GAS6: variants seen among roughly 807,000 people sequenced by gnomAD.
GAS6 encodes growth arrest-specific protein 6.
GAS6 carries 41 observed loss-of-function variants against 75.8 expected under a neutral mutation model. The ratio of observed to expected loss-of-function variants is 0.54; its 90% confidence interval spans 0.42 to 0.70. GAS6 has a LOEUF of 0.70. GAS6 is among the 30% of genes least tolerant of loss of function. The pLI is 0.00. For missense variants in GAS6, 854 were observed against 940.2 expected (o/e 0.91, Z 1.20); for synonymous variants, 432 against 412.6 (o/e 1.05, Z -0.57).
intron 6 of GAS6, chr13:113,835,962 C>A: frequency 9.0e-7 from 1 of 1,105,392 alleles, no homozygotes; most frequent in Non-Finnish European, 1.1e-6. Flanking sequence ...CTACAGGACA[C>A]GGGGCCGTAA....
At chr13:113,836,006 C>A in intron 6 of GAS6, 1 of 1,036,174 alleles carries the variant, frequency 9.7e-7, no homozygotes, top group Non-Finnish European at 1.2e-6. Flanking sequence ...GAAACTAAAA[C>A]CCCAACCCCA....
At chr13:113,854,454 C>T (rs576065876) in intron 2 of GAS6, among the ~76,000 whole-genome samples, 1 of 152,356 alleles carries the variant, frequency 6.6e-6, no homozygotes, top group East Asian at 1.9e-4. Flanking sequence ...GCATGGAAGT[C>T]ATGCTGAGAC....
At chr13:113,823,695 A>C in intron 12 of GAS6, 145 bp from the exon 13 acceptor site, 1 of 814,552 alleles carries the variant, frequency 1.2e-6, no homozygotes, top group Non-Finnish European at 1.9e-6. Context: ...TGGAAAACTC[A>C]ACAGACTGGT....
chr13:113,824,043 GGGTCT>G (rs2051497622), intron 12 of GAS6, among the ~76,000 whole-genome samples: 1 of 151,632 alleles, frequency 6.6e-6, no homozygotes, highest in African/African-American at 2.4e-5. Flanking sequence ...CGGTGGTCTG[GGGTCT>G]GAGCTGTCAG....
chr13:113,827,298 G>A, intron 11 of GAS6, 134 bp from the exon 12 acceptor site: 1 of 799,096 alleles, frequency 1.3e-6, no homozygotes, highest in Non-Finnish European at 2.0e-6. Context: ...TCCCATCGGT[G>A]GTGGCCATTT....
Position 113,851,064 on chromosome 13 carries a change from T to C in GAS6, c.256-3014A>G, listed in dbSNP as rs372328487. Among the ~76,000 whole-genome samples the C allele has an allele frequency of 5.8e-3, 873 of 150,382 alleles. 9 individuals are homozygous for C. The highest frequency in any genetic ancestry group is 0.02 in the African/African-American group (829 of 40,696). ...GGATGAGTGGATAGAGATGGATGAA[T>C]GAACAAATGAATGAGTGGATGGATG... On this transcript the variant is annotated intron_variant, in intron 2 of 14. Coordinates refer to ENST00000327773, the MANE Select transcript of GAS6 (RefSeq NM_000820.4).
chr13:113,863,703 G>T lies in GAS6; in HGVS notation c.127C>A (p.Arg43=), dbSNP rs766471006. 2.0e-6 allele frequency: 3 copies of T among 1,512,160 alleles called. No individual in the cohort carries two copies. Among genetic ancestry groups the T allele is most frequent in the Non-Finnish European group, 2.6e-6 (3 of 1,132,578 alleles). 93.7% of individuals were successfully genotyped at this position (1,512,160 alleles called of 1,614,324 possible). A position where few individuals can be genotyped will look rare whatever the true frequency, so the allele number is the denominator to read the frequency against. Residue 43 remains arginine, a synonymous_variant, in exon 2 of 15, where the codon CGG becomes AGG. Transcript: ENST00000327773. This position sits in a 1 kb window ranked among gnomAD's most constrained non-coding sequence, Gnocchi z 9.4. The part of the protein sequence containing the change: ...LPAREATQFL[R]PRQRRAFQVF... ...TGAAAGGCGCGGCGCTGCCTGGGCC[G>T]CAGGAACTGCGTGGCCTCGCGCGCC...
At chr13:113,862,523 G>A (rs2051980257) in intron 2 of GAS6, among the ~76,000 whole-genome samples, 1 of 152,218 alleles carries the variant, frequency 6.6e-6, no homozygotes, top group Non-Finnish European at 1.5e-5. Flanking sequence ...GCTAGGCTGA[G>A]CTGAAGGAGG....
At chr13:113,826,202 C>G (rs1218576426) in intron 12 of GAS6, among the ~76,000 whole-genome samples, 1 of 152,218 alleles carries the variant, frequency 6.6e-6, no homozygotes, top group African/African-American at 2.4e-5. Flanking sequence ...CCTAGGTTCA[C>G]TGTCCCCCAG....
chr13:113,825,178 G>A (rs1216102684), intron 12 of GAS6, among the ~76,000 whole-genome samples: 1 of 145,650 alleles, frequency 6.9e-6, no homozygotes, highest in Non-Finnish European at 1.5e-5. Flanking sequence ...CTGGGAGGTG[G>A]AGCCAAGATC....
chr13:113,840,743 G>T (rs952369782), intron 4 of GAS6: 1 of 152,254 alleles, frequency 6.6e-6, no homozygotes. Flanking sequence ...AAGCAGCTCG[G>T]GGCTGAGCAT....
intron 9 of GAS6, 43 bp downstream of exon 9, chr13:113,832,591 T>C (rs749742211): frequency 1.9e-6 from 3 of 1,611,144 alleles, no homozygotes; most frequent in Non-Finnish European, 2.5e-6. Flanking sequence ...GCCAGTGTCT[T>C]GGCCATTCTA....
intron 9 of GAS6, 22 bp from the exon 10 acceptor site, chr13:113,832,510 G>A (rs1162741685): frequency 1.9e-6 from 3 of 1,593,150 alleles, no homozygotes; most frequent in Non-Finnish European, 2.6e-6. Context: ...CAGGAGAAAT[G>A]AGTCAGCACT....
intron 14 of GAS6, 153 bp downstream of exon 14, chr13:113,821,805 C>T (rs2051462564): frequency 8.0e-6 from 5 of 625,348 alleles, no homozygotes; most frequent in South Asian, 2.1e-5. Context: ...TAGCCACTAA[C>T]GACCCACCTG....
intron 12 of GAS6, among the ~76,000 whole-genome samples, chr13:113,826,148 A>ACT (rs2051535430): frequency 6.6e-6 from 1 of 152,098 alleles, no homozygotes; most frequent in Non-Finnish European, 1.5e-5. Flanking sequence ...GCGTCACAGG[A>ACT]CTGGGCCAGC....
intron 2 of GAS6, among the ~76,000 whole-genome samples, chr13:113,855,080 T>A (rs2051903752): frequency 6.6e-6 from 1 of 152,240 alleles, no homozygotes; most frequent in African/African-American, 2.4e-5. Context: ...GTGTACTTTG[T>A]GATCATATAA....
intron 6 of GAS6, 112 bp from the exon 7 acceptor site, chr13:113,835,747 C>T: frequency 6.9e-7 from 1 of 1,438,970 alleles, no homozygotes. Context: ...CATCCAGACT[C>T]TGTGGGGCCA....
rs537426174 is a variant in GAS6, at chr13:113,863,476, G to C, written c.255+99C>G. 72 of 1,226,522 alleles carry C rather than the reference G, an allele frequency of 5.9e-5. No individual in the cohort carries two copies. In the African/African-American group the frequency reaches 1.0e-3, roughly 17 times the overall value. The allele number at this position is 1,226,522 out of a possible 1,614,324, so 76.0% of individuals were successfully genotyped here. On this transcript the variant is annotated intron_variant, in intron 2 of 14. Coordinates refer to ENST00000327773, the MANE Select transcript of GAS6 (RefSeq NM_000820.4). The surrounding 1 kb of genome is among the most constrained non-coding windows in gnomAD (Gnocchi z 9.4). The stretch of plus-strand genomic sequence containing the variant: ...TGGGACCCTGAGGCCAGGCCTCGCC[G>C]CGCGGAGCTGGGGGGCGGCAGCAGC...
rs1015373766 is a variant in GAS6, at chr13:113,823,539, G to C, written c.1489C>G (p.Leu497Val). The change falls in exon 13 of 15, where the codon CTG (leucine) becomes GTG (valine). Residue 497 changes from leucine to valine, a missense_variant. Leu to Val is a conservative substitution (Grantham distance 32). Coordinates refer to ENST00000327773, the MANE Select transcript of GAS6 (RefSeq NM_000820.4). The stretch of plus-strand genomic sequence containing the variant: ...CAGGTTGATTCAGTCCCGACGTCCA[G>C]AGGGGTCCGCACTGCAATGAAAGCG... ...FYSLDYMRTP[L>V]DVGTESTWEV... The C allele has an allele frequency of 8.7e-6, 14 of 1,611,792 alleles. No individual in the cohort carries two copies. The highest frequency in any genetic ancestry group is 1.1e-5 in the South Asian group (1 of 90,920).
Sources: gnomAD v4.1 joint callset for allele counts (sites outside exome capture counted in the v4.1 genomes callset) on GRCh38, gnomAD v4.1.1 for gene constraint, Gnocchi (gnomAD v3.1) non-coding constraint, MANE v1.5 for transcripts, NCBI Gene and HGNC (gene_info 2026-07-23, HGNC 2026-07-21) for gene names.